Variants in TACC2 observed in about 807,000 individuals in gnomAD.
The protein encoded by TACC2 is transforming acidic coiled-coil-containing protein 2.
In TACC2, 137 loss-of-function variants were observed where a neutral mutation model predicts 227.3. That is an observed-to-expected ratio of 0.60 (90% CI 0.52 to 0.69). The LOEUF (loss-of-function observed/expected upper bound fraction) is 0.69, where lower values mean the gene tolerates loss of function less well. Ranked by LOEUF, TACC2 falls within the 30% of genes least tolerant of loss-of-function variation. The pLI, the probability that TACC2 is intolerant of heterozygous loss-of-function variation, is 0.00. For synonymous variants in TACC2, 1,523 were observed against 1,487.5 expected, an observed-to-expected ratio of 1.02 and a Z score of -0.55; for missense variants, 3,470 against 3,694.4, an observed-to-expected ratio of 0.94 and a Z score of 1.57.
rs747673699 is a variant in TACC2, at chr10:122,003,134, C to T, written c.-46+13646C>T. Among the ~76,000 whole-genome samples, 92 of 151,822 alleles carry T rather than the reference C, an allele frequency of 6.1e-4. 1 individual carries two copies. The highest frequency in any genetic ancestry group is 1.8e-3 in the Admixed American group (28 of 15,244). The stretch of plus-strand genomic sequence containing the variant: ...AGGAAAATCGCTTGAACCCAGGAGG[C>T]GGAGGTTGCAGTGAGCCGAGATCAC... On this transcript the variant is annotated intron_variant, in intron 1 of 22. Transcript: ENST00000369005.
intron 5 of TACC2, among the ~76,000 whole-genome samples, chr10:122,094,905 A>G (rs2137399136): frequency 6.6e-6 from 1 of 152,354 alleles, no homozygotes; most frequent in East Asian, 1.9e-4. Context: ...GGCCACCGGT[A>G]GAAGCCACTG....
intron 5 of TACC2, among the ~76,000 whole-genome samples, chr10:122,121,303 G>A (rs578166360): frequency 5.9e-5 from 9 of 152,326 alleles, no homozygotes; most frequent in African/African-American, 2.2e-4. Flanking sequence ...CCTTGCTACA[G>A]AAACATTCGC....
chr10:122,114,847 C>T (rs1049548496), intron 5 of TACC2, among the ~76,000 whole-genome samples: 7 of 152,080 alleles, frequency 4.6e-5, no homozygotes, highest in Non-Finnish European at 8.8e-5. Context: ...AGCCCCTTGT[C>T]TCTCCGTTCC....
intron 5 of TACC2, among the ~76,000 whole-genome samples, chr10:122,105,397 CA>C (rs757255488): frequency 1.3e-5 from 2 of 152,210 alleles, no homozygotes; most frequent in East Asian, 1.9e-4. Flanking sequence ...GGGAAGTGAT[CA>C]GGGGAGAGGC....
At chr10:122,222,343 C>T (rs1589700827) in intron 11 of TACC2, among the ~76,000 whole-genome samples, 1 of 152,180 alleles carries the variant, frequency 6.6e-6, no homozygotes, top group East Asian at 1.9e-4. Flanking sequence ...TACATCCTCT[C>T]CAGGTCATTC....
intron 7 of TACC2, among the ~76,000 whole-genome samples, chr10:122,189,484 G>T (rs897235726): frequency 6.6e-6 from 1 of 152,148 alleles, no homozygotes; most frequent in African/African-American, 2.4e-5. Flanking sequence ...CCTGGGCTTG[G>T]TCTTCAAGGG....
intron 7 of TACC2, among the ~76,000 whole-genome samples, chr10:122,159,480 C>T (rs181904666): frequency 2.0e-5 from 3 of 152,324 alleles, no homozygotes; most frequent in African/African-American, 2.4e-5. Context: ...TTCGAATTTT[C>T]GGCAAGGCAG....
Position 122,083,348 on chromosome 10 carries a change from C to T in TACC2, c.848C>T (p.Pro283Leu). 1 of 1,613,966 alleles carries T rather than the reference C, an allele frequency of 6.2e-7. No individual in the cohort carries two copies. The highest frequency in any genetic ancestry group is 8.5e-7 in the Non-Finnish European group (1 of 1,180,016). Reference sequence around the variant, plus strand: ...GCCCCGATCCCACAAGATCCAGCCCCAAGAGCCTCAGACAGAGAAAGAGGC... The same window carrying T: ...GCCCCGATCCCACAAGATCCAGCCCTAAGAGCCTCAGACAGAGAAAGAGGC... ...PMAPIPQDPA[P>L]RASDRERGQG... Residue 283 changes from proline (P) to leucine (L), a missense_variant, in exon 4 of 23, where the codon CCA becomes CTA. Pro to Leu is a moderately conservative substitution (Grantham distance 98). Transcript: ENST00000369005.
At chr10:122,159,624 G>T (rs2092699913) in intron 7 of TACC2, among the ~76,000 whole-genome samples, 2 of 152,202 alleles carry the variant, frequency 1.3e-5, no homozygotes, top group Admixed American at 1.3e-4. Context: ...CCCAGAGCTG[G>T]TCTCAAGCTT....
At chr10:121,992,663 T>C (rs1165789411) in intron 1 of TACC2, among the ~76,000 whole-genome samples, 2 of 151,960 alleles carry the variant, frequency 1.3e-5, no homozygotes, top group Non-Finnish European at 2.9e-5. Context: ...TGCTAGAAAA[T>C]AGGTGAATTG....
At chr10:122,015,063 A>G (rs1160378490) in intron 1 of TACC2, among the ~76,000 whole-genome samples, 2 of 92,756 alleles carry the variant, frequency 2.2e-5, no homozygotes, top group East Asian at 6.7e-4. Context: ...GACTTTGGCC[A>G]AACCACTTAT....
intron 5 of TACC2, among the ~76,000 whole-genome samples, chr10:122,124,463 G>A (rs573683545): frequency 4.1e-4 from 62 of 152,266 alleles, no homozygotes; most frequent in African/African-American, 1.5e-3. Context: ...ACTGGCCTGC[G>A]TTTAAATCTC....
At chr10:122,044,994 CT>C (rs1189563769) in intron 2 of TACC2, among the ~76,000 whole-genome samples, 4 of 152,082 alleles carry the variant, frequency 2.6e-5, no homozygotes, top group Non-Finnish European at 4.4e-5. Flanking sequence ...CACACAGGTC[CT>C]TTGGAATCCA....
In TACC2 at chr10:122,087,729, A is replaced by G; in HGVS notation, c.5229A>G (p.Pro1743=). Residue 1743 remains proline (P), a synonymous_variant, in exon 4 of 23, where the codon CCA becomes CCG. Coordinates refer to ENST00000369005, the MANE Select transcript of TACC2 (RefSeq NM_206862.4). The part of the protein sequence containing the change: ...FSVVAGDLVL[P]GSCQDPACSD... ...TTGTGGCAGGTGACTTGGTGCTGCC[A>G]GGAAGCTGTCAGGACCCAGCCTGCT... The G allele has an allele frequency of 1.9e-6, 3 of 1,612,126 alleles. No homozygotes were observed. Among genetic ancestry groups the G allele is most frequent in the Non-Finnish European group, 2.5e-6 (3 of 1,179,566 alleles).
chr10:122,178,373 A>G (rs545575780), intron 7 of TACC2, among the ~76,000 whole-genome samples: 3 of 151,558 alleles, frequency 2.0e-5, no homozygotes, highest in East Asian at 3.9e-4. Context: ...AGTATCTGGG[A>G]TCACAGGCAC....
intron 7 of TACC2, among the ~76,000 whole-genome samples, chr10:122,189,160 GGTGTGTGT>G (rs142942799): frequency 6.6e-6 from 1 of 152,012 alleles, no homozygotes; most frequent in African/African-American, 2.4e-5. Flanking sequence ...ATGCCAGCGA[GGTGTGTGT>G]GTGTGCAGAG....
At chr10:122,174,128 C>G (rs2093602586) in intron 7 of TACC2, among the ~76,000 whole-genome samples, 1 of 152,210 alleles carries the variant, frequency 6.6e-6, no homozygotes. Flanking sequence ...TCCATTTCCT[C>G]TTTGTTTTTC....
chr10:122,098,225 T>C lies in TACC2; in HGVS notation c.5573+9634T>C, dbSNP rs147863527. On this transcript the variant is annotated intron_variant, in intron 5 of 22. Transcript: ENST00000369005. ...GGTTGTCTTTCTAGAAATGTTTGCA[T>C]GGATATGTTTGTGGCCATTTTGATA... Among the ~76,000 whole-genome samples, 279 of 152,234 alleles carry C rather than the reference T, an allele frequency of 1.8e-3. 3 individuals are homozygous for C. Among genetic ancestry groups the C allele is most frequent in the African/African-American group, 6.5e-3 (269 of 41,544 alleles).
intron 4 of TACC2, 90 bp downstream of exon 4, chr10:122,088,049 A>G (rs2080282432): frequency 7.3e-7 from 1 of 1,366,010 alleles, no homozygotes; most frequent in Admixed American, 2.9e-5. Flanking sequence ...CGCATAGGTG[A>G]GTGGTTTTCT....
Sources: gnomAD v4.1 joint callset for allele counts (sites outside exome capture counted in the v4.1 genomes callset) on GRCh38, gnomAD v4.1.1 for gene constraint, MANE v1.5 for transcripts, NCBI Gene and HGNC (gene_info 2026-07-23, HGNC 2026-07-21) for gene names.